The following GHR variants were observed in gnomAD, a reference collection of about 807,000 sequenced individuals.
The protein encoded by GHR is GH receptor.
A neutral mutation model predicts 67.1 loss-of-function variants in GHR; 35 were observed. The ratio of observed to expected loss-of-function variants is 0.52; its 90% CI spans 0.40 to 0.69. GHR has a LOEUF of 0.69. Ranked by LOEUF, GHR falls within the 30% of genes least tolerant of loss-of-function variation. The pLI is 0.00. For missense variants in GHR, 792 were observed against 764.6 expected, an observed-to-expected ratio of 1.04 and a Z score of -0.42; for synonymous variants, 272 against 269.1, an observed-to-expected ratio of 1.01 and a Z score of -0.10.
At chr5:42,490,534 C>CA (rs994115141) in intron 1 of GHR, among the ~76,000 whole-genome samples, 2 of 152,238 alleles carry the variant, frequency 1.3e-5, no homozygotes, top group African/African-American at 4.8e-5. Context: ...TGGAGCTTCA[C>CA]AAGTGAACAG....
intron 1 of GHR, among the ~76,000 whole-genome samples, chr5:42,458,632 A>C (rs1297777940): frequency 6.6e-6 from 1 of 152,216 alleles, no homozygotes; most frequent in Non-Finnish European, 1.5e-5. Flanking sequence ...CAAAAGCAAA[A>C]ATTGAGAAAT....
intron 3 of GHR, among the ~76,000 whole-genome samples, chr5:42,638,370 A>G (rs895913022): frequency 1.3e-5 from 2 of 152,214 alleles, no homozygotes; most frequent in African/African-American, 4.8e-5. Context: ...TCTGAAATAA[A>G]TTACAGTCAT....
chr5:42,608,809 A>G (rs1023850686), intron 2 of GHR, among the ~76,000 whole-genome samples: 45 of 152,144 alleles, frequency 3.0e-4, no homozygotes, highest in African/African-American at 1.0e-3. Flanking sequence ...TGAAACCCAA[A>G]TTCTGTCTTC....
chr5:42,691,666 A>T (rs1184917618), intron 4 of GHR, among the ~76,000 whole-genome samples: 1 of 152,232 alleles, frequency 6.6e-6, no homozygotes, highest in East Asian at 1.9e-4. Context: ...CTCAGTATCT[A>T]AAGCACAACA....
intron 3 of GHR, among the ~76,000 whole-genome samples, chr5:42,652,862 A>ATC: frequency 6.6e-6 from 1 of 152,178 alleles, no homozygotes; most frequent in South Asian, 2.1e-4. Flanking sequence ...TGACTCAAGC[A>ATC]TCCTTGCTCT....
intron 1 of GHR, among the ~76,000 whole-genome samples, chr5:42,554,024 T>C (rs1749176947): frequency 6.6e-6 from 1 of 152,174 alleles, no homozygotes; most frequent in Non-Finnish European, 1.5e-5. Context: ...GCAGATGAGT[T>C]CTGTTGCCAC....
intron 2 of GHR, among the ~76,000 whole-genome samples, chr5:42,615,446 CA>C (rs1753095464): frequency 6.6e-6 from 1 of 152,068 alleles, no homozygotes; most frequent in South Asian, 2.1e-4. Flanking sequence ...ATCATGTCTG[CA>C]ACTACTTTTC....
At chr5:42,701,937 G>C (rs1757949749) in intron 6 of GHR, among the ~76,000 whole-genome samples, 1 of 151,794 alleles carries the variant, frequency 6.6e-6, no homozygotes, top group African/African-American at 2.4e-5. Context: ...TTTTTTTAAT[G>C]ATCAAAAATT....
chr5:42,552,493 C>G (rs1461395067), intron 1 of GHR, among the ~76,000 whole-genome samples: 1 of 152,020 alleles, frequency 6.6e-6, no homozygotes, highest in Non-Finnish European at 1.5e-5. Context: ...TCTAACTTTC[C>G]CTGGGATCAT....
At chr5:42,660,963 A>G (rs943778296) in intron 3 of GHR, among the ~76,000 whole-genome samples, 4 of 152,262 alleles carry the variant, frequency 2.6e-5, no homozygotes, top group Admixed American at 2.6e-4. Flanking sequence ...TGAAGAATGC[A>G]GAAGCCTCAG....
chr5:42,467,569 AG>A, intron 1 of GHR: 3 of 1,556,008 alleles, frequency 1.9e-6, no homozygotes, highest in Non-Finnish European at 2.6e-6. Context: ...TTCTAAGGAG[AG>A]GTTTTTTTGA....
Position 42,423,781 on chromosome 5 carries a change from C to T in GHR, c.-186C>T, listed in dbSNP as rs929543295. ...GAGGAGGAGGGCTAGGGAGCGGCGG[C>T]GGCGGCGGCAGCGGCAGCAGCAGCT... On this transcript the variant is annotated 5_prime_UTR_variant, in exon 1 of 10. Transcript: ENST00000230882. 3.1e-5 allele frequency: 5 copies of T among 163,902 alleles called. No individual in the cohort carries two copies. The highest frequency in any genetic ancestry group is 3.4e-4 in the South Asian group (2 of 5,854). 10.2% of individuals were successfully genotyped at this position (163,902 alleles called of 1,614,324 possible).
At chr5:42,492,114 A>G (rs1248208632) in intron 1 of GHR, among the ~76,000 whole-genome samples, 1 of 152,206 alleles carries the variant, frequency 6.6e-6, no homozygotes, top group Non-Finnish European at 1.5e-5. Context: ...TTAAGAAGGC[A>G]GAGTGCATAA....
At chr5:42,477,038 C>G (rs898379850) in intron 1 of GHR, among the ~76,000 whole-genome samples, 1 of 120,726 alleles carries the variant, frequency 8.3e-6, no homozygotes, top group African/African-American at 3.1e-5. Flanking sequence ...CCCCCTCCCC[C>G]CACCCCACAA....
intron 1 of GHR, among the ~76,000 whole-genome samples, chr5:42,444,848 G>T (rs983459426): frequency 6.6e-6 from 1 of 152,000 alleles, no homozygotes; most frequent in Non-Finnish European, 1.5e-5. Flanking sequence ...CCCCTTTCCA[G>T]CTACAAATTC....
At chr5:42,638,918 G>A (rs937666451) in intron 3 of GHR, among the ~76,000 whole-genome samples, 2 of 152,078 alleles carry the variant, frequency 1.3e-5, no homozygotes, top group African/African-American at 4.8e-5. Flanking sequence ...GCTTGAAGAG[G>A]TATTATGGTT....
chr5:42,494,964 T>C (rs115607245), intron 1 of GHR, among the ~76,000 whole-genome samples: 3,121 of 152,092 alleles, frequency 0.021, 103 homozygotes, highest in African/African-American at 0.071. Flanking sequence ...GAAGCTCCCA[T>C]ATCTTGGTAT....
At chr5:42,558,731 T>C (rs1749443844) in intron 1 of GHR, among the ~76,000 whole-genome samples, 1 of 152,228 alleles carries the variant, frequency 6.6e-6, no homozygotes, top group South Asian at 2.1e-4. Context: ...TCTAGGTTTG[T>C]GTAAATACAC....
chr5:42,695,071 T>C lies in GHR; in HGVS notation c.421T>C (p.Phe141Leu). The change falls in exon 5 of 10, where the codon TTC becomes CTC. Residue 141 changes from phenylalanine (F) to leucine (L), a missense_variant. Coordinates refer to ENST00000230882, the MANE Select transcript of GHR (RefSeq NM_000163.5). ...TGGTGGTACAGTGGATGAAAAGTGTTTCTCTGTTGATGAAATAGGTAAATC... is the reference window on the plus strand; with the variant it reads ...TGGTGGTACAGTGGATGAAAAGTGTCTCTCTGTTGATGAAATAGGTAAATC... ...SNGGTVDEKC[F>L]SVDEIVQPDP... 1.2e-6 allele frequency: 2 copies of C among 1,610,710 alleles called. No homozygotes were observed. Among genetic ancestry groups the C allele is most frequent in the Non-Finnish European group, 1.7e-6 (2 of 1,176,978 alleles).
Sources: gnomAD v4.1 joint callset for allele counts (sites outside exome capture counted in the v4.1 genomes callset) on GRCh38, gnomAD v4.1.1 for gene constraint, MANE v1.5 for transcripts, NCBI Gene and HGNC (gene_info 2026-07-23, HGNC 2026-07-21) for gene names.